The following TSPAN4 variants were observed in gnomAD, a reference collection of about 807,000 sequenced individuals.
TSPAN4 encodes the protein tetraspanin-4.
A neutral mutation model predicts 31.5 loss-of-function variants in TSPAN4; 38 were observed. The observed-to-expected ratio is 1.21, with a 90% CI of 0.93 to 1.58. The LOEUF is 1.58. TSPAN4 is among the 40% of genes most tolerant of loss of function. The probability of loss-of-function intolerance (pLI) is 0.00; values close to 1 mark genes in which losing one functional copy is unlikely to be tolerated. For synonymous variants in TSPAN4, 186 were observed against 144.6 expected, an observed-to-expected ratio of 1.29 and a Z score of -2.06; for missense variants, 330 against 317.3, an observed-to-expected ratio of 1.04 and a Z score of -0.30.
chr11:857,399 G>GGTT (rs1554991626), intron 3 of TSPAN4: 2 of 34,498 alleles, frequency 5.8e-5, no homozygotes, highest in Non-Finnish European at 1.1e-4. Context: ...AGGCAGTTTG[G>GGTT]GTTTTTTTTT....
intron 2 of TSPAN4, 93 bp from the exon 3 acceptor site, chr11:850,195 C>T (rs907973367): frequency 1.8e-6 from 2 of 1,082,318 alleles, no homozygotes; most frequent in African/African-American, 1.6e-5. Flanking sequence ...CACGCGAACC[C>T]CGGCCCCAAG....
intron 3 of TSPAN4, among the ~76,000 whole-genome samples, chr11:854,065 C>T (rs2134014543): frequency 6.6e-6 from 1 of 152,356 alleles, no homozygotes; most frequent in African/African-American, 2.4e-5. Context: ...CACTCTTCCC[C>T]TAATGGAAGT....
intron 2 of TSPAN4, 123 bp from the exon 3 acceptor site, chr11:850,165 G>A (rs1847584280): frequency 1.4e-6 from 1 of 735,280 alleles, no homozygotes; most frequent in South Asian, 2.0e-5. Context: ...GGGGACGCCG[G>A]GGGCTCCTTC....
At chr11:859,048 T>C (rs1848248984) in intron 3 of TSPAN4, among the ~76,000 whole-genome samples, 2 of 58,568 alleles carry the variant, frequency 3.4e-5, no homozygotes, top group Admixed American at 2.3e-4. Flanking sequence ...ACCCCCGGGC[T>C]CACACCAACA....
chr11:856,971 A>G (rs28465449), intron 3 of TSPAN4: 151,154 of 152,386 alleles, frequency 0.99, 74,981 homozygotes, highest in Middle Eastern at 1. Context: ...GGGGGACGCC[A>G]GGTTGCAGGG....
rs1847473586 is a variant in TSPAN4 at position 849,000 on chromosome 11, G to A, written c.-17-1288G>A. 1 of 614,974 alleles carries A rather than the reference G, an allele frequency of 1.6e-6. No individual in the cohort carries two copies. 38.1% of individuals were successfully genotyped at this position (614,974 alleles called of 1,614,324 possible). On this transcript the variant is annotated intron_variant, in intron 2 of 8. Transcript: ENST00000397397. This position sits in a 1 kb window ranked among gnomAD's most constrained non-coding sequence, Gnocchi z 5.7. ...AGGCTGACTTCCAGCCTGGGCTGGA[G>A]CAAAATGAAATTCTGGGCCCCTTGT...
chr11:866,278 G>A (rs1010145812), intron 8 of TSPAN4, among the ~76,000 whole-genome samples: 1 of 152,116 alleles, frequency 6.6e-6, no homozygotes, highest in Non-Finnish European at 1.5e-5. Flanking sequence ...GAGGGTGGCA[G>A]CTGGGGCCCT....
chr11:844,706 T>TTG (rs1847198796), intron 1 of TSPAN4: 1 of 31,074 alleles, frequency 3.2e-5, no homozygotes, highest in Non-Finnish European at 7.7e-5. Context: ...GCCTGGCTTC[T>TTG]GGGGGGGGGG....
chr11:859,320 TTC>T (rs1250834185), intron 3 of TSPAN4, among the ~76,000 whole-genome samples: 4 of 7,436 alleles, frequency 5.4e-4, no homozygotes, highest in Non-Finnish European at 4.5e-4. Context: ...CACCCCCCCT[TTC>T]ACACGCACCC....
intron 8 of TSPAN4, 49 bp from the exon 9 acceptor site, chr11:866,513 G>A (rs1011690460): frequency 3.2e-6 from 5 of 1,580,640 alleles, no homozygotes; most frequent in Non-Finnish European, 4.3e-6. Context: ...TGGGCTTGAG[G>A]CCTGAGCCTG....
chr11:852,969 A>G (rs909125607), intron 3 of TSPAN4, among the ~76,000 whole-genome samples: 3 of 152,072 alleles, frequency 2.0e-5, no homozygotes, highest in Non-Finnish European at 4.4e-5. Flanking sequence ...GCAGCCAGTG[A>G]CCAGAGCCGT....
chr11:852,122 C>T (rs1035736476), intron 3 of TSPAN4, among the ~76,000 whole-genome samples: 1 of 152,156 alleles, frequency 6.6e-6, no homozygotes, highest in African/African-American at 2.4e-5. Context: ...AAATGCAATT[C>T]TCTCTTTTTT....
intron 5 of TSPAN4, 82 bp from the exon 6 acceptor site, chr11:865,431 G>A: frequency 2.6e-6 from 3 of 1,176,336 alleles, no homozygotes; most frequent in South Asian, 2.7e-5. Context: ...GAGGGGCCCA[G>A]CTTAGGGGCC....
At chr11:859,136 CTGG>C (rs1848260413) in intron 3 of TSPAN4, among the ~76,000 whole-genome samples, 1 of 135,538 alleles carries the variant, frequency 7.4e-6, no homozygotes, top group African/African-American at 2.8e-5. Context: ...ACACGCACCC[CTGG>C]GCTCACATGC....
chr11:861,326 A>G (rs2134051414), intron 3 of TSPAN4, among the ~76,000 whole-genome samples: 1 of 152,332 alleles, frequency 6.6e-6, no homozygotes, highest in Non-Finnish European at 1.5e-5. Context: ...GTAAGAAATC[A>G]TAACTTGGCC....
At chr11:861,439 G>A (rs539522156) in intron 3 of TSPAN4, among the ~76,000 whole-genome samples, 22 of 152,168 alleles carry the variant, frequency 1.4e-4, no homozygotes, top group Non-Finnish European at 2.6e-4. Context: ...GCGGCTGGGC[G>A]TGGTGGCTCA....
chr11:865,240 G>A (rs968875512), intron 5 of TSPAN4: 11 of 482,118 alleles, frequency 2.3e-5, no homozygotes, highest in East Asian at 1.1e-4. Context: ...CACGTGTCCC[G>A]ATACGTGGAG....
chr11:850,427 T>G (rs2133999612), intron 3 of TSPAN4, 60 bp downstream of exon 3: 2 of 1,467,882 alleles, frequency 1.4e-6, no homozygotes, highest in East Asian at 2.4e-5. Context: ...CCGCGGCGGG[T>G]CGCGGGGTCT....
At chr11:862,001 A>G (rs915546735) in intron 3 of TSPAN4, among the ~76,000 whole-genome samples, 2 of 152,056 alleles carry the variant, frequency 1.3e-5, no homozygotes, top group South Asian at 2.1e-4. Context: ...CACGAGTGAC[A>G]GGGGACAGCT....
Sources: gnomAD v4.1 joint callset for allele counts (sites outside exome capture counted in the v4.1 genomes callset) on GRCh38, gnomAD v4.1.1 for gene constraint, Gnocchi (gnomAD v3.1) non-coding constraint, MANE v1.5 for transcripts, NCBI Gene and HGNC (gene_info 2026-07-23, HGNC 2026-07-21) for gene names.